PIEZO1: variants seen among roughly 807,000 people sequenced by gnomAD.
PIEZO1 encodes the protein piezo-type mechanosensitive ion channel component 1.
A neutral mutation model predicts 297.2 loss-of-function variants in PIEZO1; 296 were observed. That is an observed-to-expected ratio of 1.00 (90% confidence interval 0.91 to 1.10). The LOEUF (loss-of-function observed/expected upper bound fraction) is 1.10, where lower values mean the gene tolerates loss of function less well. PIEZO1 is among the 50% of genes least tolerant of loss of function. The probability of loss-of-function intolerance (pLI) is 0.00; values close to 1 mark genes in which losing one functional copy is unlikely to be tolerated. For missense variants in PIEZO1, 5,018 were observed against 3,455.5 expected (o/e 1.45, Z -11.34); for synonymous variants, 2,427 against 1,507.5 (o/e 1.61, Z -14.13).
intron 1 of PIEZO1, among the ~76,000 whole-genome samples, chr16:88,783,024 GT>G (rs1908006734): frequency 6.6e-6 from 1 of 152,214 alleles, no homozygotes; most frequent in Admixed American, 6.5e-5. Flanking sequence ...CCAGTTTTAG[GT>G]TTAAGGAAAG....
Position 88,720,258 on chromosome 16 carries a change from G to T in PIEZO1, c.5975C>A (p.Thr1992Lys), listed in dbSNP as rs913211391. The change falls in exon 42 of 51, where the codon ACG becomes AAG. Residue 1992 changes from threonine to lysine, a missense_variant. Physicochemically the swap from Thr to Lys is moderately conservative, Grantham distance 78 (BLOSUM62 -1). Transcript: ENST00000301015. The stretch of plus-strand genomic sequence containing the variant: ...TACCTGGTCGTCTGATAGGGAGGAC[G>T]TGATGTCTGTGGCCGCCGAGTGCTT... ...FGKHSAATDITSSLSDDQVPE... is the reference protein window; with the variant it reads ...FGKHSAATDIKSSLSDDQVPE... The T allele has an allele frequency of 6.4e-7, 1 of 1,550,476 alleles. No homozygotes were observed. Among genetic ancestry groups the T allele is most frequent in the Admixed American group, 2.0e-5 (1 of 51,008 alleles).
At chr16:88,783,066 A>G (rs1229909073) in intron 1 of PIEZO1, among the ~76,000 whole-genome samples, 1 of 152,230 alleles carries the variant, frequency 6.6e-6, no homozygotes, top group Non-Finnish European at 1.5e-5. Flanking sequence ...AGTCATCACT[A>G]TTCTTTAAAA....
chr16:88,732,110 G>A (rs73264800), intron 21 of PIEZO1, among the ~76,000 whole-genome samples, 200 bp from the exon 22 acceptor site: 1 of 151,844 alleles, frequency 6.6e-6, no homozygotes, highest in Non-Finnish European at 1.5e-5. Context: ...GAGGCTCCAG[G>A]AGGTGGGCTG....
At chr16:88,726,229 G>A in intron 27 of PIEZO1, 55 bp downstream of exon 27, 2 of 1,440,266 alleles carry the variant, frequency 1.4e-6, no homozygotes, top group South Asian at 1.3e-5. Flanking sequence ...ACCTCCCATT[G>A]CCCCCTCCCA....
At chr16:88,749,331 G>A (rs1026236373) in intron 2 of PIEZO1, 53 bp downstream of exon 2, 14 of 1,238,778 alleles carry the variant, frequency 1.1e-5, no homozygotes, top group African/African-American at 3.2e-5. Flanking sequence ...GGCCCCAAAC[G>A]AATGCCCACC....
chr16:88,721,067 G>A (rs1014203654), intron 39 of PIEZO1, 99 bp downstream of exon 39: 60 of 1,233,006 alleles, frequency 4.9e-5, no homozygotes, highest in Middle Eastern at 4.2e-4. Context: ...GGTGGGCCTC[G>A]CACTGGGCTT....
In PIEZO1 at chr16:88,723,957, C is replaced by A; in HGVS notation, c.4249G>T (p.Asp1417Tyr). Residue 1417 changes from aspartate to tyrosine, a missense_variant, in exon 31 of 51, where the codon GAC becomes TAC. Coordinates refer to ENST00000301015, the MANE Select transcript of PIEZO1 (RefSeq NM_001142864.4). ...LDHATVIHSG[D>Y]YFLFESDSEE... ...CTGTCGGACTCAAACAGGAAGTAGTCCCCGGAGTGGATGACTGTGGGCAGG... is the reference window on the plus strand; with the variant it reads ...CTGTCGGACTCAAACAGGAAGTAGTACCCGGAGTGGATGACTGTGGGCAGG... 6.5e-7 allele frequency: 1 copy of A among 1,546,682 alleles called. No individual in the cohort carries two copies. Among genetic ancestry groups the A allele is most frequent in the Middle Eastern group, 1.7e-4 (1 of 5,988 alleles).
intron 17 of PIEZO1, 43 bp from the exon 18 acceptor site, chr16:88,733,788 C>T: frequency 6.7e-7 from 1 of 1,485,410 alleles, no homozygotes; most frequent in Non-Finnish European, 9.0e-7. Flanking sequence ...AACGGGGATT[C>T]CCGGGTCCCC....
chr16:88,737,516 C>T (rs1281828728), intron 10 of PIEZO1, 43 bp downstream of exon 10: 24 of 1,288,900 alleles, frequency 1.9e-5, no homozygotes, highest in Non-Finnish European at 2.3e-5. Context: ...GCCTCCGCCC[C>T]GCCCCCCGCA....
At chr16:88,724,961 G>T in intron 30 of PIEZO1, 48 bp downstream of exon 30, 3 of 1,184,484 alleles carry the variant, frequency 2.5e-6, no homozygotes, top group South Asian at 1.7e-5. Context: ...ACAGATGGGG[G>T]CACAGAGGGC....
chr16:88,778,937 G>A (rs1907800784), intron 1 of PIEZO1, among the ~76,000 whole-genome samples: 1 of 152,192 alleles, frequency 6.6e-6, no homozygotes, highest in African/African-American at 2.4e-5. Flanking sequence ...GGGGGCAGGT[G>A]GGGTGCATGG....
At chr16:88,729,661 A>C (rs1904670183) in intron 22 of PIEZO1, among the ~76,000 whole-genome samples, 1 of 145,350 alleles carries the variant, frequency 6.9e-6, no homozygotes, top group South Asian at 2.2e-4. Flanking sequence ...CGCGACCCAA[A>C]AACAAAGTGA....
chr16:88,750,492 G>C (rs1906333525), intron 1 of PIEZO1, among the ~76,000 whole-genome samples: 3 of 152,232 alleles, frequency 2.0e-5, no homozygotes, highest in Admixed American at 2.0e-4. Flanking sequence ...TCCCGTGTCT[G>C]CCCTCCTGCC....
chr16:88,727,441 G>A lies in PIEZO1; in HGVS notation c.3301+116C>T, dbSNP rs1455849219. On this transcript the variant is annotated intron_variant, in intron 23 of 50. Coordinates refer to ENST00000301015, the MANE Select transcript of PIEZO1 (RefSeq NM_001142864.4). ...GAGGTCAGGGCCTGCAGGCCGCCAT[G>A]TGCCTGACCACACCTCCGCCCGTGC... is the stretch of plus-strand genomic sequence containing the variant. The A allele has an allele frequency of 7.8e-6, 5 of 643,036 alleles. No individual in the cohort carries two copies. The Admixed American group carries it at 9.0e-5, about 12-fold the overall frequency. The allele number at this position is 643,036 out of a possible 1,614,324, so 39.8% of individuals were successfully genotyped here.
Position 88,732,403 on chromosome 16 carries a change from G to C in PIEZO1, c.2923C>G (p.Leu975Val), listed in dbSNP as rs750362416. The C allele has an allele frequency of 3.4e-5, 53 of 1,549,692 alleles. No individual in the cohort carries two copies. Among genetic ancestry groups the C allele is most frequent in the Admixed American group, 9.8e-5 (5 of 50,972 alleles). ...AGGCAGCCGAGCAGATCCTGGTCCA[G>C]CTGCTGGCGGGTGCCGCTGGCAAAC... is the stretch of plus-strand genomic sequence containing the variant. ...AVFASGTRQQ[L>V]DQDLLGCLKY... The change falls in exon 21 of 51, where the codon CTG (leucine) becomes GTG (valine). Residue 975 changes from leucine (L) to valine (V), a missense_variant. Coordinates refer to ENST00000301015, the MANE Select transcript of PIEZO1 (RefSeq NM_001142864.4).
chr16:88,734,859 C>T lies in PIEZO1; in HGVS notation c.1848+16G>A. 1.3e-6 allele frequency: 2 copies of T among 1,550,304 alleles called. No individual in the cohort carries two copies. The highest frequency in any genetic ancestry group is 1.7e-6 in the Non-Finnish European group (2 of 1,146,928). On this transcript the variant is annotated intron_variant, in intron 14 of 50. Transcript: ENST00000301015. ...GAGGGTCCGTGCCCCAGCCCCCATC[C>T]CGGCCCCCCAGCCACCTGGAAGAGG...
rs1252081146 is a variant in PIEZO1, at chr16:88,722,578, C to T, written c.4775+5G>A. ...AGCTGGGGCTCGGGTCACCCCCGCA[C>T]CTACCTGGACACGGTGCTTGGGGCA... On this transcript the variant is annotated splice_donor_5th_base_variant and intron_variant, in intron 35 of 50. Transcript: ENST00000301015. 4 of 1,524,010 alleles carry T rather than the reference C, an allele frequency of 2.6e-6. No homozygotes were observed. Among genetic ancestry groups the T allele is most frequent in the Non-Finnish European group, 3.5e-6 (4 of 1,136,550 alleles). 94.4% of individuals were successfully genotyped at this position (1,524,010 alleles called of 1,614,324 possible). A position where few individuals can be genotyped will look rare whatever the true frequency, so the allele number is the denominator to read the frequency against.
chr16:88,732,421 T>C lies in PIEZO1; in HGVS notation c.2905A>G (p.Ser969Gly), dbSNP rs1352659394. 6.5e-7 allele frequency: 1 copy of C among 1,549,612 alleles called. No individual in the cohort carries two copies. The highest frequency in any genetic ancestry group is 8.7e-7 in the Non-Finnish European group (1 of 1,146,540). The change falls in exon 21 of 51, where the codon AGC becomes GGC. Residue 969 changes from serine (S) to glycine (G), a missense_variant. By Grantham distance (56) the Ser-to-Gly change is moderately conservative. Transcript: ENST00000301015. ...TGGTCCAGCTGCTGGCGGGTGCCGC[T>C]GGCAAACACGGCCTGGGCAGGCAGC... is the stretch of plus-strand genomic sequence containing the variant. ...APLPAQAVFASGTRQQLDQDL... is the reference protein window; with the variant it reads ...APLPAQAVFAGGTRQQLDQDL...
intron 22 of PIEZO1, chr16:88,731,368 G>A (rs1170730228): frequency 3.3e-6 from 1 of 302,396 alleles, no homozygotes; most frequent in African/African-American, 2.1e-5. Context: ...GGCAGCACTT[G>A]GGTGTGAGGC....
Sources: allele counts gnomAD v4.1 joint callset (sites outside exome capture counted in the v4.1 genomes callset), GRCh38; gene constraint gnomAD v4.1.1; transcripts MANE v1.5; gene names NCBI Gene and HGNC (gene_info 2026-07-23, HGNC 2026-07-21).